The following CHRNA7 variants were observed in gnomAD, a reference collection of about 807,000 sequenced individuals.
CHRNA7 encodes cholinergic receptor nicotinic alpha 7 subunit.
CHRNA7 carries 17 observed loss-of-function variants against 48.0 expected under a neutral mutation model. The ratio of observed to expected loss-of-function variants is 0.35; its 90% CI spans 0.24 to 0.53. CHRNA7 has a LOEUF of 0.53. Among genes scored for constraint, CHRNA7 ranks in the 20% least tolerant of loss-of-function variants. The pLI is 0.92. For missense variants in CHRNA7, 155 were observed against 577.7 expected (o/e 0.27, Z 7.50); for synonymous variants, 75 against 242.3 (o/e 0.31, Z 6.41).
chr15:32,106,861 A>AT (rs1220786874), intron 3 of CHRNA7, among the ~76,000 whole-genome samples: 1 of 152,126 alleles, frequency 6.6e-6, no homozygotes, highest in Non-Finnish European at 1.5e-5. Flanking sequence ...TTAAGCTGTT[A>AT]TTTTTTCTAA....
At chr15:32,070,416 A>G (rs1426111124) in intron 2 of CHRNA7, among the ~76,000 whole-genome samples, 1 of 152,120 alleles carries the variant, frequency 6.6e-6, no homozygotes, top group East Asian at 1.9e-4. Context: ...TCTAAATGTA[A>G]GAGTGGTTTC....
At chr15:32,071,761 C>T (rs540903068) in intron 2 of CHRNA7, among the ~76,000 whole-genome samples, 1 of 152,258 alleles carries the variant, frequency 6.6e-6, no homozygotes, top group South Asian at 2.1e-4. Context: ...CCTGAGGCTT[C>T]ACCAGAAACA....
At chr15:32,067,508 A>C (rs1463227839) in intron 2 of CHRNA7, among the ~76,000 whole-genome samples, 1 of 152,230 alleles carries the variant, frequency 6.6e-6, no homozygotes, top group Non-Finnish European at 1.5e-5. Flanking sequence ...TTTTCCCTGC[A>C]AGAAAATACT....
intron 4 of CHRNA7, 76 bp downstream of exon 4, chr15:32,111,975 C>A: frequency 1.1e-6 from 1 of 915,206 alleles, no homozygotes; most frequent in Non-Finnish European, 1.8e-6. Flanking sequence ...TTGAATATTT[C>A]ACAGAGATGC....
At chr15:32,103,412 G>GA (rs66734254) in intron 3 of CHRNA7, 51,409 of 136,642 alleles carry the variant, frequency 0.38, 9,882 homozygotes, top group East Asian at 0.54. Context: ...TCAATCTCAA[G>GA]AAAAAAAAAA....
intron 2 of CHRNA7, among the ~76,000 whole-genome samples, chr15:32,085,832 A>G (rs905535856): frequency 1.3e-5 from 2 of 152,210 alleles, no homozygotes; most frequent in African/African-American, 2.4e-5. Flanking sequence ...GTTGAAGTCC[A>G]TAATTACTTT....
At chr15:32,043,178 A>G (rs2049478639) in intron 2 of CHRNA7, among the ~76,000 whole-genome samples, 1 of 152,178 alleles carries the variant, frequency 6.6e-6, no homozygotes, top group Non-Finnish European at 1.5e-5. Context: ...ATACATTTAT[A>G]TGTTTTCTTC....
intron 4 of CHRNA7, among the ~76,000 whole-genome samples, chr15:32,115,543 C>T (rs1226357458): frequency 1.3e-5 from 2 of 152,050 alleles, no homozygotes; most frequent in Non-Finnish European, 2.9e-5. Flanking sequence ...TGTCCTTTGG[C>T]TCATTGATGC....
intron 2 of CHRNA7, among the ~76,000 whole-genome samples, chr15:32,063,649 C>G (rs755367753): frequency 1.3e-5 from 2 of 152,116 alleles, no homozygotes; most frequent in Non-Finnish European, 2.9e-5. Flanking sequence ...AGCATCCCTC[C>G]CCTTCTTGGA....
At chr15:32,031,696 T>A (rs1285288910) in intron 2 of CHRNA7, among the ~76,000 whole-genome samples, 1 of 152,266 alleles carries the variant, frequency 6.6e-6, no homozygotes, top group Non-Finnish European at 1.5e-5. Flanking sequence ...GTCTCTTGCC[T>A]TGCAGCCTTG....
At chr15:32,032,330 T>C (rs1295159076) in intron 2 of CHRNA7, among the ~76,000 whole-genome samples, 1 of 152,138 alleles carries the variant, frequency 6.6e-6, no homozygotes, top group African/African-American at 2.4e-5. Context: ...TCAGTTGCTT[T>C]AAAGAGCTCA....
At chr15:32,095,380 T>C (rs1023821017) in intron 2 of CHRNA7, among the ~76,000 whole-genome samples, 3 of 152,238 alleles carry the variant, frequency 2.0e-5, no homozygotes, top group African/African-American at 7.2e-5. Context: ...ATTTAACACA[T>C]TGGAGATAAA....
intron 2 of CHRNA7, chr15:32,099,432 GT>G (rs1388775397): frequency 1.3e-5 from 2 of 152,184 alleles, no homozygotes; most frequent in Non-Finnish European, 2.9e-5. Context: ...GTTGATTACA[GT>G]TTGAAAAGCT....
At chr15:32,105,100 C>G (rs1304252829) in intron 3 of CHRNA7, among the ~76,000 whole-genome samples, 1 of 152,164 alleles carries the variant, frequency 6.6e-6, no homozygotes, top group Non-Finnish European at 1.5e-5. Context: ...CACCAGAGAC[C>G]TCTAAATTTA....
At chr15:32,070,209 G>A (rs1402743033) in intron 2 of CHRNA7, among the ~76,000 whole-genome samples, 1 of 152,062 alleles carries the variant, frequency 6.6e-6, no homozygotes, top group African/African-American at 2.4e-5. Flanking sequence ...AATAGGCTGC[G>A]TTTTGTTTTG....
intron 2 of CHRNA7, among the ~76,000 whole-genome samples, chr15:32,094,084 G>T (rs116333231): frequency 6.6e-6 from 1 of 152,092 alleles, no homozygotes; most frequent in African/African-American, 2.4e-5. Context: ...CAGGTTTAAC[G>T]GTACCGTCAG....
At chr15:32,139,551 T>C (rs2051337754) in intron 4 of CHRNA7, among the ~76,000 whole-genome samples, 1 of 151,976 alleles carries the variant, frequency 6.6e-6, no homozygotes, top group Non-Finnish European at 1.5e-5. Flanking sequence ...TGGATTTTGG[T>C]CATTCTAATA....
intron 2 of CHRNA7, among the ~76,000 whole-genome samples, chr15:32,081,363 G>A (rs958017140): frequency 6.6e-6 from 1 of 152,016 alleles, no homozygotes; most frequent in Non-Finnish European, 1.5e-5. Context: ...GTAATTATTG[G>A]TATGTTAGGG....
At chr15:32,122,549 T>G (rs542941380) in intron 4 of CHRNA7, among the ~76,000 whole-genome samples, 2 of 152,314 alleles carry the variant, frequency 1.3e-5, no homozygotes, top group Admixed American at 1.3e-4. Context: ...CCTTTATGGC[T>G]TTGGGGTCCC....
Sources: allele counts gnomAD v4.1 joint callset (sites outside exome capture counted in the v4.1 genomes callset), GRCh38; gene constraint gnomAD v4.1.1; transcripts MANE v1.5; gene names NCBI Gene and HGNC (gene_info 2026-07-23, HGNC 2026-07-21).